MMP2: variants seen among roughly 807,000 people sequenced by gnomAD.
MMP2 encodes 72 kDa type IV collagenase.
In MMP2, 39 loss-of-function variants were observed where a neutral mutation model predicts 74.8. The observed-to-expected ratio is 0.52, with a 90% confidence interval of 0.40 to 0.68. The LOEUF is 0.68. Ranked by LOEUF, MMP2 falls within the 30% of genes least tolerant of loss-of-function variation. The pLI is 0.00. For missense variants in MMP2, 803 were observed against 878.3 expected (o/e 0.91, Z 1.08); for synonymous variants, 367 against 339.8 (o/e 1.08, Z -0.88).
Position 55,496,714 on chromosome 16 carries a change from A to G in MMP2, c.1473-212A>G, listed in dbSNP as rs1383538876. On this transcript the variant is annotated intron_variant, in intron 9 of 12. Coordinates refer to ENST00000219070, the MANE Select transcript of MMP2 (RefSeq NM_004530.6). ...TTCCTGGAGGAGGTAGAGGGAGAGA[A>G]CAGGGTAGGAGGATGTTTCTCAGCT... is the stretch of plus-strand genomic sequence containing the variant. Among the ~76,000 whole-genome samples the G allele has an allele frequency of 3.9e-5, 6 of 152,264 alleles. 1 individual carries two copies. In the South Asian group the frequency reaches 1.0e-3, roughly 26 times the overall value.
chr16:55,503,482 G>A (rs1401668714), intron 12 of MMP2, among the ~76,000 whole-genome samples: 1 of 151,626 alleles, frequency 6.6e-6, no homozygotes, highest in Non-Finnish European at 1.5e-5. Context: ...TTTTAGAGGA[G>A]ATTTCAACTA....
intron 7 of MMP2, among the ~76,000 whole-genome samples, chr16:55,490,711 T>C (rs16955243): frequency 0.026 from 3,919 of 152,284 alleles, 173 homozygotes; most frequent in African/African-American, 0.086. Flanking sequence ...ACTTGGCAGA[T>C]GTCAGTGGAC....
intron 10 of MMP2, 59 bp downstream of exon 10, chr16:55,497,121 C>CT: frequency 6.2e-7 from 1 of 1,611,286 alleles, no homozygotes; most frequent in African/African-American, 1.3e-5. Flanking sequence ...ACCAGGGCTC[C>CT]TGGGTGTCCC....
At chr16:55,499,269 G>A (rs749930695) in intron 11 of MMP2, among the ~76,000 whole-genome samples, 36 of 152,068 alleles carry the variant, frequency 2.4e-4, no homozygotes, top group Non-Finnish European at 3.2e-4. Flanking sequence ...TCTGTCTCCT[G>A]GGAAAACATG....
chr16:55,500,262 A>G (rs1428388440), intron 11 of MMP2, among the ~76,000 whole-genome samples: 1 of 149,444 alleles, frequency 6.7e-6, no homozygotes, highest in Admixed American at 6.7e-5. Flanking sequence ...CGTACTGCGA[A>G]TGGCATCTCA....
At position 55,505,701 on chromosome 16, in the gene MMP2, T is replaced by C. The variant is rs1962784692; in HGVS notation, c.*259T>C. The C allele has an allele frequency of 1.8e-6, 1 of 555,072 alleles. No individual in the cohort carries two copies. The highest frequency in any genetic ancestry group is 3.2e-6 in the Non-Finnish European group (1 of 308,498). The allele number at this position is 555,072 out of a possible 1,614,324, so 34.4% of individuals were successfully genotyped here. A position where few individuals can be genotyped will look rare whatever the true frequency, so the allele number is the denominator to read the frequency against. On this transcript the variant is annotated 3_prime_UTR_variant, in exon 13 of 13. Transcript: ENST00000219070. ...ACCCTCAGAGCCACCCCTAAAGAGA[T>C]ACTTTGATATTTTCAACGCAGCCCT...
intron 8 of MMP2, among the ~76,000 whole-genome samples, chr16:55,492,339 C>T (rs144792199): frequency 8.5e-4 from 130 of 152,212 alleles, no homozygotes; most frequent in African/African-American, 3.0e-3. Context: ...ATGACCTTAA[C>T]AATACGGGGG....
Position 55,496,971 on chromosome 16 carries a change from C to T in MMP2, c.1518C>T (p.Pro506=). Residue 506 remains proline, a synonymous_variant, in exon 10 of 13, where the codon CCC becomes CCT. Transcript: ENST00000219070. ...CGCCACGTGACAAGCCCATGGGGCCCCTGCTGGTGGCCACATTCTGGCCTG... is the reference window on the plus strand; with the variant it reads ...CGCCACGTGACAAGCCCATGGGGCCTCTGCTGGTGGCCACATTCTGGCCTG... ...TVTPRDKPMG[P]LLVATFWPEL... is the part of the protein sequence containing the mutation. The T allele has an allele frequency of 5.0e-6, 8 of 1,614,144 alleles. No individual in the cohort carries two copies. Among genetic ancestry groups the T allele is most frequent in the Non-Finnish European group, 6.8e-6 (8 of 1,180,034 alleles).
intron 7 of MMP2, 141 bp downstream of exon 7, chr16:55,489,965 T>G (rs1399932698): frequency 7.4e-6 from 7 of 941,628 alleles, no homozygotes; most frequent in Non-Finnish European, 1.1e-5. Flanking sequence ...CCCGCCCACC[T>G]GGGCTGAGAC....
At chr16:55,485,863 TC>T in intron 5 of MMP2, 86 bp downstream of exon 5, 1 of 1,416,044 alleles carries the variant, frequency 7.1e-7, no homozygotes, top group Non-Finnish European at 9.9e-7. Flanking sequence ...CTCCACACTC[TC>T]CAGGACTGGC....
chr16:55,505,525 G>T lies in MMP2; in HGVS notation c.*83G>T. ...GAGAACTAGAGAAGGACCCGGAGGGGCCTGGCAGCCGTGCCTTCAGCTCTA... is the reference window on the plus strand; with the variant it reads ...GAGAACTAGAGAAGGACCCGGAGGGTCCTGGCAGCCGTGCCTTCAGCTCTA... On this transcript the variant is annotated 3_prime_UTR_variant, in exon 13 of 13. Coordinates refer to ENST00000219070, the MANE Select transcript of MMP2 (RefSeq NM_004530.6). 2 of 1,196,214 alleles carry T rather than the reference G, an allele frequency of 1.7e-6. No homozygotes were observed. The highest frequency in any genetic ancestry group is 2.5e-6 in the Non-Finnish European group (2 of 802,016). 74.1% of individuals were successfully genotyped at this position (1,196,214 alleles called of 1,614,324 possible). A position where few individuals can be genotyped will look rare whatever the true frequency, so the allele number is the denominator to read the frequency against.
chr16:55,489,789 A>G lies in MMP2; in HGVS notation c.1145A>G (p.Asp382Gly). The change falls in exon 7 of 13, where the codon GAT becomes GGT. Residue 382 changes from aspartate to glycine, a missense_variant. Coordinates refer to ENST00000219070, the MANE Select transcript of MMP2 (RefSeq NM_004530.6). ...TGGTGTGCGACCACAGCCAACTACG[A>G]TGATGACCGCAAGTGGGGCTTCTGC... ...KMWCATTANY[D>G]DDRKWGFCPD... 1 of 1,614,142 alleles carries G rather than the reference A, an allele frequency of 6.2e-7. No individual in the cohort carries two copies. The highest frequency in any genetic ancestry group is 8.5e-7 in the Non-Finnish European group (1 of 1,180,028).
At chr16:55,497,442 GTTTTCA>G (rs1302126702) in intron 10 of MMP2, among the ~76,000 whole-genome samples, 1 of 152,128 alleles carries the variant, frequency 6.6e-6, no homozygotes, top group Admixed American at 6.5e-5. Context: ...AAGAATATTT[GTTTTCA>G]TTTTTACTTT....
intron 3 of MMP2, among the ~76,000 whole-genome samples, chr16:55,485,045 T>A (rs1962206593): frequency 6.6e-6 from 1 of 151,340 alleles, no homozygotes; most frequent in Non-Finnish European, 1.5e-5. Flanking sequence ...GGTGGTAGAG[T>A]AGACAATGGA....
chr16:55,505,239 T>C, intron 12 of MMP2, 100 bp from the exon 13 acceptor site: 1 of 1,012,580 alleles, frequency 9.9e-7, no homozygotes, highest in Non-Finnish European at 1.6e-6. Context: ...GTTTAAAAGC[T>C]TCTTCCCTAT....
intron 5 of MMP2, among the ~76,000 whole-genome samples, chr16:55,486,347 CTGTG>C (rs57608135): frequency 0.016 from 2,222 of 137,754 alleles, 54 homozygotes; most frequent in African/African-American, 0.047. Flanking sequence ...GTGTGTGTGC[CTGTG>C]TGTGTGTGTG....
At chr16:55,502,268 A>G (rs2142373195) in intron 11 of MMP2, among the ~76,000 whole-genome samples, 1 of 152,308 alleles carries the variant, frequency 6.6e-6, no homozygotes, top group South Asian at 2.1e-4. Flanking sequence ...GATGGGGCAG[A>G]TTCCCATCCC....
chr16:55,488,367 G>A (rs775519674), intron 5 of MMP2, 176 bp from the exon 6 acceptor site: 2 of 662,044 alleles, frequency 3.0e-6, no homozygotes, highest in Non-Finnish European at 2.6e-6. Context: ...AGGGAAGCAG[G>A]GGTTCTCTCT....
chr16:55,491,747 C>A, intron 7 of MMP2, 54 bp from the exon 8 acceptor site: 2 of 1,604,466 alleles, frequency 1.2e-6, no homozygotes, highest in Non-Finnish European at 8.5e-7. Flanking sequence ...GTCTTGACTT[C>A]TCTCTCATCT....
Sources: gnomAD v4.1 joint callset for allele counts (sites outside exome capture counted in the v4.1 genomes callset) on GRCh38, gnomAD v4.1.1 for gene constraint, MANE v1.5 for transcripts, NCBI Gene and HGNC (gene_info 2026-07-23, HGNC 2026-07-21) for gene names.